Variants in IQSEC2 observed in about 807,000 individuals in gnomAD.
IQSEC2 encodes IQ motif and SEC7 domain-containing protein 2.
IQSEC2 carries 6 observed loss-of-function variants against 74.6 expected under a neutral mutation model. The ratio of observed to expected loss-of-function variants is 0.08; its 90% CI spans 0.04 to 0.16. IQSEC2 has a LOEUF of 0.16. IQSEC2 is among the 10% of genes least tolerant of loss of function. The pLI is 1.00. For missense variants in IQSEC2, 734 were observed against 1,306.2 expected (o/e 0.56, Z 6.75); for synonymous variants, 494 against 544.5 (o/e 0.91, Z 1.29).
chrX:53,317,162 G>C lies in IQSEC2; in HGVS notation c.707+3255C>G, dbSNP rs191880038. ...TATTCTCTAATCAACCAGGCTTGGGGGGGTATGTGGACAATTCCAGGTAAA... is the reference window on the plus strand; with the variant it reads ...TATTCTCTAATCAACCAGGCTTGGGCGGGTATGTGGACAATTCCAGGTAAA... On this transcript the variant is annotated intron_variant, in intron 1 of 14. Coordinates refer to ENST00000642864, the MANE Select transcript of IQSEC2 (RefSeq NM_001111125.3). Among the ~76,000 whole-genome samples the C allele has an allele frequency of 4.5e-4, 50 of 112,226 alleles. No homozygotes were observed. The East Asian group carries it at 0.014, about 31-fold the overall frequency.
At chrX:53,314,246 T>C (rs369099631) in intron 1 of IQSEC2, among the ~76,000 whole-genome samples, 120 of 112,277 alleles carry the variant, frequency 1.1e-3, no homozygotes, top group African/African-American at 3.7e-3. Flanking sequence ...AATCAGACAT[T>C]CATTTATCTA....
intron 2 of IQSEC2, chrX:53,279,653 T>C: frequency 2.6e-6 from 3 of 1,160,897 alleles, no homozygotes; most frequent in Non-Finnish European, 3.5e-6. Flanking sequence ...TATGAGACGC[T>C]GTGGACCTGA....
Position 53,234,442 on chromosome X carries a change from T to C in IQSEC2, c.4244A>G (p.Tyr1415Cys). ...TGACTGGGGGTGGTGGGGGTGGGAGTAGGAGCCCCCTGGTGGCCGGGATCC... is the reference window on the plus strand; with the variant it reads ...TGACTGGGGGTGGTGGGGGTGGGAGCAGGAGCCCCCTGGTGGCCGGGATCC... ...GPGSRPPGGS[Y>C]SHPHHPQSPL... The change falls in exon 15 of 15, where the codon TAC (tyrosine) becomes TGC (cysteine). Residue 1415 changes from tyrosine (Y) to cysteine (C), a missense_variant. Physicochemically the swap from Tyr to Cys is radical, Grantham distance 194 (BLOSUM62 -2). This residue lies in a region of IQSEC2 where 249 missense variants were observed against 467.9 expected (regional missense o/e 0.53). Transcript: ENST00000642864. The C allele has an allele frequency of 1.9e-6, 2 of 1,034,815 alleles. No individual in the cohort carries two copies. Among genetic ancestry groups the C allele is most frequent in the Admixed American group, 4.3e-5 (1 of 23,031 alleles). 85.3% of individuals were successfully genotyped at this position (1,034,815 alleles called of 1,213,427 possible). A position where few individuals can be genotyped will look rare whatever the true frequency, so the allele number is the denominator to read the frequency against.
chrX:53,296,942 C>T (rs1569330829), intron 1 of IQSEC2, among the ~76,000 whole-genome samples: 1 of 111,653 alleles, frequency 9.0e-6, no homozygotes, highest in African/African-American at 3.3e-5. Flanking sequence ...ACTGTGCCCT[C>T]CTCTCATTCT....
At chrX:53,265,373 C>A (rs2074638692) in intron 2 of IQSEC2, among the ~76,000 whole-genome samples, 1 of 110,864 alleles carries the variant, frequency 9.0e-6, no homozygotes, top group South Asian at 3.8e-4. Context: ...AAACAAGAGC[C>A]ACCAATCACA....
chrX:53,296,467 C>T (rs1432350927), intron 1 of IQSEC2, among the ~76,000 whole-genome samples: 11 of 112,037 alleles, frequency 9.8e-5, no homozygotes, highest in Non-Finnish European at 1.7e-4. Context: ...AGCTGAGAAC[C>T]GGCCCCGAAT....
intron 1 of IQSEC2, among the ~76,000 whole-genome samples, chrX:53,293,972 C>G (rs1360282223): frequency 1.8e-5 from 2 of 111,447 alleles, no homozygotes; most frequent in Non-Finnish European, 3.8e-5. Context: ...CAAGGTCACA[C>G]AAGCAGAGAA....
At position 53,250,712 on chromosome X, in the gene IQSEC2, C is replaced by T; in HGVS notation, c.1864G>A (p.Glu622Lys). The change falls in exon 5 of 15, where the codon GAG becomes AAG. Residue 622 changes from glutamate (E) to lysine (K), a missense_variant. Coordinates refer to ENST00000642864, the MANE Select transcript of IQSEC2 (RefSeq NM_001111125.3). ...CCATGGGGGCTGCAGCCATCAGCCT[C>T]ATACACCAGCTGGCGGTGGACAGAG... ...RGSVHRQLVY[E>K]ADGCSPHGTL... 8.3e-7 allele frequency: 1 copy of T among 1,211,679 alleles called. No homozygotes were observed. Among genetic ancestry groups the T allele is most frequent in the Non-Finnish European group, 1.1e-6 (1 of 895,473 alleles).
chrX:53,261,120 G>T (rs2074561700), intron 2 of IQSEC2, among the ~76,000 whole-genome samples: 1 of 111,520 alleles, frequency 9.0e-6, no homozygotes, highest in African/African-American at 3.3e-5. Flanking sequence ...ACATACTGCT[G>T]AAGAAACAGC....
intron 6 of IQSEC2, 123 bp downstream of exon 6, chrX:53,248,598 A>G (rs1315611081): frequency 2.7e-6 from 2 of 730,806 alleles, no homozygotes; most frequent in Non-Finnish European, 4.1e-6. Context: ...AGGGGCAGGA[A>G]GGTCTATTCA....
intron 1 of IQSEC2, among the ~76,000 whole-genome samples, chrX:53,301,333 T>C (rs1395864812): frequency 9.0e-6 from 1 of 111,398 alleles, no homozygotes; most frequent in Non-Finnish European, 1.9e-5. Context: ...AGGAGGAGGA[T>C]CTTGGAGGCC....
intron 2 of IQSEC2, among the ~76,000 whole-genome samples, chrX:53,280,721 C>T (rs1397366547): frequency 3.6e-5 from 4 of 111,651 alleles, no homozygotes; most frequent in African/African-American, 9.8e-5. Flanking sequence ...GATTAAAGTC[C>T]GGAGAATGGC....
chrX:53,263,299 G>A (rs1407395841), intron 2 of IQSEC2, among the ~76,000 whole-genome samples: 1 of 111,593 alleles, frequency 9.0e-6, no homozygotes, highest in Admixed American at 9.4e-5. Flanking sequence ...CACAGAGCTG[G>A]GATGGACTGG....
In IQSEC2 at chrX:53,241,858, C is replaced by A. The variant is rs781869986; in HGVS notation, c.2941G>T (p.Val981Leu). Reference sequence around the variant, plus strand: ...CTCTGGGGGCGGTTTGGATCTGGCACCTCGTAGAGCTGGCAGCAGCAAACC... The same window carrying A: ...CTCTGGGGGCGGTTTGGATCTGGCAACTCGTAGAGCTGGCAGCAGCAAACC... ...RLVCCCQLYE[V>L]PDPNRPQRLG... Residue 981 changes from valine (V) to leucine (L), a missense_variant, in exon 10 of 15, where the codon GTG becomes TTG. Around this residue, in one of 12 missense-constraint regions of IQSEC2, gnomAD observed 249 missense variants for 467.9 expected, o/e 0.53. Coordinates refer to ENST00000642864, the MANE Select transcript of IQSEC2 (RefSeq NM_001111125.3). The A allele has an allele frequency of 8.3e-7, 1 of 1,210,603 alleles. No individual in the cohort carries two copies. The highest frequency in any genetic ancestry group is 1.1e-6 in the Non-Finnish European group (1 of 894,830).
At chrX:53,290,434 A>C (rs1243974390) in intron 2 of IQSEC2, among the ~76,000 whole-genome samples, 12 of 112,047 alleles carry the variant, frequency 1.1e-4, no homozygotes, top group Non-Finnish European at 1.9e-4. Flanking sequence ...CTTCTTCAAC[A>C]AGTAGCAGGC....
chrX:53,289,769 C>T (rs1405700542), intron 2 of IQSEC2, among the ~76,000 whole-genome samples: 3 of 111,452 alleles, frequency 2.7e-5, no homozygotes, highest in Non-Finnish European at 3.8e-5. Context: ...GCCCCTACAG[C>T]CTCCTTGACT....
Position 53,234,653 on chromosome X carries a change from G to A in IQSEC2, c.4033C>T (p.Arg1345Trp), listed in dbSNP as rs1333401052. 2 of 1,136,999 alleles carry A rather than the reference G, an allele frequency of 1.8e-6. No individual in the cohort carries two copies. Among genetic ancestry groups the A allele is most frequent in the East Asian group, 3.3e-5 (1 of 30,389 alleles). 93.7% of individuals were successfully genotyped at this position (1,136,999 alleles called of 1,213,427 possible). The change falls in exon 15 of 15, where the codon CGG becomes TGG. Residue 1345 changes from arginine to tryptophan, a missense_variant. Physicochemically the swap from Arg to Trp is moderately radical, Grantham distance 101. Around this residue, in one of 12 missense-constraint regions of IQSEC2, gnomAD observed 249 missense variants for 467.9 expected, o/e 0.53. Coordinates refer to ENST00000642864, the MANE Select transcript of IQSEC2 (RefSeq NM_001111125.3). The stretch of plus-strand genomic sequence containing the variant: ...AACTGAGGGTGTCCTCCAGCCCCCC[G>A]TCTGGGTGCCCTGCCTGGCCGGCCC... ...TLGRPGRAPR[R>W]GAGGHPQFAP... is the part of the protein sequence containing the mutation.
chrX:53,247,072 G>A lies in IQSEC2; in HGVS notation c.2646C>T (p.Phe882=). ...GGAGGATGATGGCAAAAGCAAGGAT[G>A]AAGATGGTGTCTGGGTTCCGGAACT... ...VRQFRNPDTI[F]ILAFAIILLN... The change falls in exon 8 of 15, where the codon TTC becomes TTT. Residue 882 remains phenylalanine (F), a synonymous_variant. Coordinates refer to ENST00000642864, the MANE Select transcript of IQSEC2 (RefSeq NM_001111125.3). 8.3e-7 allele frequency: 1 copy of A among 1,211,092 alleles called. No homozygotes were observed. The highest frequency in any genetic ancestry group is 3.0e-5 in the East Asian group (1 of 33,842).
At chrX:53,228,184 A>C (rs182899323), downstream of IQSEC2, among the ~76,000 whole-genome samples, 32 of 111,961 alleles carry the variant, frequency 2.9e-4, no homozygotes, top group Admixed American at 1.2e-3. Flanking sequence ...GCTATGAAGT[A>C]GGTATTGTTA....
Sources: gnomAD v4.1 joint callset for allele counts (sites outside exome capture counted in the v4.1 genomes callset) on GRCh38, gnomAD v4.1.1 for gene constraint, gnomAD v4.1.1 regional missense constraint, MANE v1.5 for transcripts, NCBI Gene and HGNC (gene_info 2026-07-23, HGNC 2026-07-21) for gene names.